EFCAB5: variants seen among roughly 807,000 people sequenced by gnomAD.
EFCAB5 encodes EF-hand calcium binding domain 5, also known as EF-hand calcium-binding domain-containing protein 5.
Under a neutral mutation model 167.9 loss-of-function variants are expected in EFCAB5, and 131 were observed. The observed-to-expected ratio is 0.78, with a 90% CI of 0.68 to 0.90. The LOEUF (loss-of-function observed/expected upper bound fraction) is 0.90. Among genes scored for constraint, EFCAB5 ranks in the 40% least tolerant of loss-of-function variants. EFCAB5 has a pLI of 0.00. For synonymous variants in EFCAB5, 574 were observed against 602.8 expected, an observed-to-expected ratio of 0.95 and a Z score of 0.70; for missense variants, 1,663 against 1,745.2, an observed-to-expected ratio of 0.95 and a Z score of 0.84.
At chr17:30,022,707 T>C (rs2069211008) in intron 7 of EFCAB5, among the ~76,000 whole-genome samples, 1 of 152,228 alleles carries the variant, frequency 6.6e-6, no homozygotes, top group Admixed American at 6.5e-5. Flanking sequence ...TAGAATATAC[T>C]GGTTTATTTT....
intron 8 of EFCAB5, among the ~76,000 whole-genome samples, chr17:30,041,257 T>C (rs1304495018): frequency 6.7e-6 from 1 of 148,962 alleles, no homozygotes; most frequent in African/African-American, 2.6e-5. Flanking sequence ...CTAGATGCCA[T>C]TAAGAACATT....
At chr17:30,016,818 T>C (rs1483375543) in intron 7 of EFCAB5, among the ~76,000 whole-genome samples, 1 of 152,140 alleles carries the variant, frequency 6.6e-6, no homozygotes, top group Admixed American at 6.5e-5. Flanking sequence ...AGATGAGAAA[T>C]TATAATCTTA....
At chr17:29,960,387 G>A (rs1011141918) in intron 3 of EFCAB5, among the ~76,000 whole-genome samples, 3 of 152,124 alleles carry the variant, frequency 2.0e-5, no homozygotes, top group Non-Finnish European at 4.4e-5. Flanking sequence ...GATCACTGGA[G>A]GGTTCTGTTA....
chr17:30,059,719 T>G lies in EFCAB5; in HGVS notation c.2737+18T>G. On this transcript the variant is annotated intron_variant, in intron 14 of 22. Transcript: ENST00000394835. ...GAAGAAAGGTAAAATATAAGAATGT[T>G]CTTATTTAAACTGTGGTAATTAACT... 1 of 1,572,792 alleles carries G rather than the reference T, an allele frequency of 6.4e-7. No individual in the cohort carries two copies. The highest frequency in any genetic ancestry group is 8.6e-7 in the Non-Finnish European group (1 of 1,156,524).
rs1231363188 is a variant in EFCAB5, at chr17:30,057,922, G to T, written c.2580+32G>T. The T allele has an allele frequency of 3.8e-6, 6 of 1,579,958 alleles. No individual in the cohort carries two copies. The African/African-American group carries it at 8.1e-5, about 21-fold the overall frequency. ...AATATTATTTATTAATGATACAAGT[G>T]AGGTCACTATTATAAGTAAATCTCT... On this transcript the variant is annotated intron_variant, in intron 13 of 22. Coordinates refer to ENST00000394835, the MANE Select transcript of EFCAB5 (RefSeq NM_198529.4).
At chr17:30,080,713 C>T (rs1419153005) in intron 16 of EFCAB5, 40 bp from the exon 17 acceptor site, 1 of 1,420,514 alleles carries the variant, frequency 7.0e-7, no homozygotes, top group South Asian at 1.2e-5. Flanking sequence ...CTAAATCTCT[C>T]CCTGTGCCTT....
intron 1 of EFCAB5, among the ~76,000 whole-genome samples, chr17:29,934,947 A>C (rs750854772): frequency 6.6e-6 from 1 of 152,216 alleles, no homozygotes; most frequent in Non-Finnish European, 1.5e-5. Context: ...CATTCATTGC[A>C]TACCAAATGA....
At chr17:30,034,144 T>G (rs2069553476) in intron 7 of EFCAB5, 86 bp from the exon 8 acceptor site, 3 of 1,464,798 alleles carry the variant, frequency 2.0e-6, no homozygotes, top group Non-Finnish European at 2.8e-6. Context: ...CCAATGTATT[T>G]CATGCACATT....
intron 14 of EFCAB5, among the ~76,000 whole-genome samples, chr17:30,072,480 G>A (rs2070765009): frequency 6.6e-6 from 1 of 152,096 alleles, no homozygotes; most frequent in Non-Finnish European, 1.5e-5. Context: ...ACTGAAAACT[G>A]GATAAGTAGC....
At chr17:30,034,489 A>T (rs993649631) in intron 8 of EFCAB5, 104 bp downstream of exon 8, 1 of 1,403,778 alleles carries the variant, frequency 7.1e-7, no homozygotes, top group Non-Finnish European at 9.5e-7. Flanking sequence ...ACTTGAGCCC[A>T]GGAGTTTGAG....
At chr17:29,992,260 T>G (rs555643481) in intron 4 of EFCAB5, among the ~76,000 whole-genome samples, 3 of 152,366 alleles carry the variant, frequency 2.0e-5, no homozygotes, top group Admixed American at 2.0e-4. Context: ...TTTTTTCACT[T>G]AGCATAATGT....
intron 13 of EFCAB5, 113 bp from the exon 14 acceptor site, chr17:30,059,432 A>C: frequency 8.3e-7 from 1 of 1,203,162 alleles, no homozygotes; most frequent in Non-Finnish European, 1.1e-6. Context: ...CTTAGCCTCA[A>C]AGTAAACCTG....
At chr17:30,096,753 C>T (rs1490921436) in intron 22 of EFCAB5, among the ~76,000 whole-genome samples, 1 of 139,920 alleles carries the variant, frequency 7.1e-6, no homozygotes, top group East Asian at 2.0e-4. Flanking sequence ...AATCTCAGCT[C>T]ACTGCAACCT....
intron 22 of EFCAB5, among the ~76,000 whole-genome samples, chr17:30,105,270 T>C (rs1344916024): frequency 6.6e-6 from 1 of 152,084 alleles, no homozygotes. Flanking sequence ...CCGGATCATC[T>C]GAGGTCACGA....
intron 14 of EFCAB5, among the ~76,000 whole-genome samples, chr17:30,069,961 T>C (rs1450637430): frequency 1.3e-5 from 2 of 152,132 alleles, no homozygotes; most frequent in Non-Finnish European, 2.9e-5. Context: ...GAGGCCGCCT[T>C]GGCAGGGGGG....
intron 7 of EFCAB5, among the ~76,000 whole-genome samples, chr17:30,010,251 G>A (rs189619792): frequency 6.6e-6 from 1 of 152,286 alleles, no homozygotes; most frequent in African/African-American, 2.4e-5. Context: ...ATTGTGAATA[G>A]TGCCGCAATA....
chr17:30,090,277 A>G, intron 19 of EFCAB5, 144 bp from the exon 20 acceptor site: 1 of 1,052,042 alleles, frequency 9.5e-7, no homozygotes, highest in East Asian at 2.6e-5. Flanking sequence ...CAAGGGCTAG[A>G]ATGCTCCAGG....
intron 8 of EFCAB5, among the ~76,000 whole-genome samples, chr17:30,040,775 A>G (rs1011751822): frequency 2.0e-5 from 3 of 152,230 alleles, no homozygotes; most frequent in Non-Finnish European, 4.4e-5. Context: ...AAAGCCTCCT[A>G]TCAACTATTA....
chr17:30,086,954 C>A, intron 18 of EFCAB5, 109 bp from the exon 19 acceptor site: 1 of 879,146 alleles, frequency 1.1e-6, no homozygotes, highest in Non-Finnish European at 1.7e-6. Flanking sequence ...TCCTTAAAGC[C>A]AGAGGTCATC....
Sources: allele counts gnomAD v4.1 joint callset (sites outside exome capture counted in the v4.1 genomes callset), GRCh38; gene constraint gnomAD v4.1.1; transcripts MANE v1.5; gene names NCBI Gene and HGNC (gene_info 2026-07-23, HGNC 2026-07-21).